The following CACNB4 variants were observed in gnomAD, a reference collection of about 807,000 sequenced individuals.
The protein encoded by CACNB4 is voltage-dependent L-type calcium channel subunit beta-4.
Under a neutral mutation model 71.2 loss-of-function variants are expected in CACNB4, and 32 were observed. That is an observed-to-expected ratio of 0.45 (90% CI 0.34 to 0.60). The LOEUF (loss-of-function observed/expected upper bound fraction) is 0.60. Ranked by LOEUF, CACNB4 falls within the 20% of genes least tolerant of loss-of-function variation. The pLI is 0.01. For missense variants in CACNB4, 464 were observed against 647.9 expected (o/e 0.72, Z 3.08); for synonymous variants, 231 against 236.9 (o/e 0.97, Z 0.23).
chr2:151,900,872 G>A lies in CACNB4; in HGVS notation c.148-17502C>T, dbSNP rs141640569. On this transcript the variant is annotated intron_variant, in intron 2 of 13. Coordinates refer to ENST00000539935, the MANE Select transcript of CACNB4 (RefSeq NM_000726.5). ...TACACAATTTACCTACTGCTTAACAGACACTAAGCACAGCATTAGACATTG... is the reference window on the plus strand; with the variant it reads ...TACACAATTTACCTACTGCTTAACAAACACTAAGCACAGCATTAGACATTG... Among the ~76,000 whole-genome samples the A allele has an allele frequency of 6.2e-4, 95 of 152,004 alleles. 1 individual carries two copies. The East Asian group carries it at 0.018, about 29-fold the overall frequency.
At chr2:151,875,972 G>A (rs2099846100) in intron 5 of CACNB4, among the ~76,000 whole-genome samples, 2 of 141,254 alleles carry the variant, frequency 1.4e-5, no homozygotes, top group African/African-American at 5.2e-5. Flanking sequence ...CGGGCGGGGG[G>A]CTGACTCCCC....
At chr2:152,024,871 C>T (rs1052736084) in intron 2 of CACNB4, among the ~76,000 whole-genome samples, 1 of 152,100 alleles carries the variant, frequency 6.6e-6, no homozygotes, top group East Asian at 1.9e-4. Context: ...GCCTGGCCAA[C>T]ATGGCGACAC....
chr2:151,866,675 A>G (rs2099843223), intron 9 of CACNB4: 1 of 152,240 alleles, frequency 6.6e-6, no homozygotes, highest in African/African-American at 2.4e-5. Context: ...CTTATTGTTC[A>G]TTCTGCTGCC....
intron 2 of CACNB4, among the ~76,000 whole-genome samples, chr2:151,963,682 C>T (rs1041554817): frequency 9.9e-5 from 15 of 152,072 alleles, no homozygotes; most frequent in African/African-American, 2.7e-4. Context: ...AATATATATA[C>T]GTCTTAAAAT....
intron 2 of CACNB4, among the ~76,000 whole-genome samples, chr2:151,912,443 G>A (rs1388298896): frequency 6.9e-6 from 1 of 144,004 alleles, no homozygotes; most frequent in African/African-American, 2.6e-5. Context: ...TCATTCAGGA[G>A]CAGGTTGCTC....
At chr2:152,015,340 C>G (rs1462549036) in intron 2 of CACNB4, among the ~76,000 whole-genome samples, 1 of 152,022 alleles carries the variant, frequency 6.6e-6, no homozygotes, top group Non-Finnish European at 1.5e-5. Context: ...ACTATGTTGG[C>G]CAGGCTGGTC....
rs1231545127 is a variant in CACNB4 at position 151,870,519 on chromosome 2, T to C, written c.699+12A>G. 1 of 1,605,622 alleles carries C rather than the reference T, an allele frequency of 6.2e-7. No homozygotes were observed. The highest frequency in any genetic ancestry group is 8.5e-7 in the Non-Finnish European group (1 of 1,172,552). On this transcript the variant is annotated intron_variant, in intron 8 of 13. Transcript: ENST00000539935. ...CGATCAAGAACTGAAGAGTAACAGA[T>C]GATATTTGTACCTCGTAACCTTTCA...
intron 12 of CACNB4, among the ~76,000 whole-genome samples, chr2:151,846,155 G>A (rs998936620): frequency 2.0e-5 from 3 of 152,342 alleles, no homozygotes; most frequent in East Asian, 1.9e-4. Flanking sequence ...GAATTAAGGT[G>A]ACCAATGATT....
At chr2:152,092,573 CT>C (rs11355769) in intron 2 of CACNB4, among the ~76,000 whole-genome samples, 26,687 of 150,712 alleles carry the variant, frequency 0.18, 3,119 homozygotes, top group East Asian at 0.56. Context: ...TCCATATGCT[CT>C]TTTTTTTTAA....
intron 2 of CACNB4, among the ~76,000 whole-genome samples, chr2:152,073,036 G>A (rs1370316853): frequency 3.3e-5 from 5 of 152,190 alleles, no homozygotes; most frequent in Admixed American, 1.3e-4. Context: ...TTGAACTTAC[G>A]CTTTTGCTGA....
intron 2 of CACNB4, among the ~76,000 whole-genome samples, chr2:152,029,324 C>T (rs1684138911): frequency 6.6e-6 from 1 of 151,720 alleles, no homozygotes. Context: ...GAAGCCCCGT[C>T]TCTACTAAAA....
At chr2:151,849,309 G>T (rs984121061) in intron 12 of CACNB4, among the ~76,000 whole-genome samples, 4 of 152,152 alleles carry the variant, frequency 2.6e-5, no homozygotes, top group Non-Finnish European at 5.9e-5. Flanking sequence ...GTCGGGTAGA[G>T]TGCAGTGGCA....
At chr2:152,092,974 G>C (rs1452848359) in intron 2 of CACNB4, among the ~76,000 whole-genome samples, 1 of 152,108 alleles carries the variant, frequency 6.6e-6, no homozygotes, top group African/African-American at 2.4e-5. Context: ...AAAGTTATAT[G>C]AAATGTAGTC....
At chr2:151,843,308 A>G (rs1559850966) in intron 12 of CACNB4, among the ~76,000 whole-genome samples, 1 of 152,100 alleles carries the variant, frequency 6.6e-6, no homozygotes, top group Admixed American at 6.6e-5. Context: ...GCACATCTCA[A>G]CTTTCTTTCT....
At chr2:152,050,381 A>C (rs1343863652) in intron 2 of CACNB4, among the ~76,000 whole-genome samples, 3 of 152,228 alleles carry the variant, frequency 2.0e-5, no homozygotes, top group Non-Finnish European at 2.9e-5. Context: ...ATTTACTCTA[A>C]ATGAGCCACA....
At chr2:151,852,647 G>A (rs963417889) in intron 12 of CACNB4, 50 of 152,254 alleles carry the variant, frequency 3.3e-4, no homozygotes, top group African/African-American at 1.2e-3. Flanking sequence ...TGGCTCCAGA[G>A]TCTGTGCTTT....
intron 2 of CACNB4, among the ~76,000 whole-genome samples, chr2:152,068,808 T>G (rs996511029): frequency 6.6e-6 from 1 of 152,152 alleles, no homozygotes; most frequent in African/African-American, 2.4e-5. Flanking sequence ...AGGAGAATTC[T>G]CCTTTCACAG....
intron 2 of CACNB4, among the ~76,000 whole-genome samples, chr2:152,063,441 C>G (rs1303935349): frequency 1.3e-5 from 2 of 152,154 alleles, no homozygotes; most frequent in Non-Finnish European, 2.9e-5. Flanking sequence ...AGTTAGAAAA[C>G]AGCAGAGTCA....
At chr2:151,949,822 T>C (rs1197442780) in intron 2 of CACNB4, among the ~76,000 whole-genome samples, 1 of 151,970 alleles carries the variant, frequency 6.6e-6, no homozygotes, top group Non-Finnish European at 1.5e-5. Context: ...GCTGAGGCGG[T>C]GGATCACTTA....
Sources: gnomAD v4.1 joint callset for allele counts (sites outside exome capture counted in the v4.1 genomes callset) on GRCh38, gnomAD v4.1.1 for gene constraint, MANE v1.5 for transcripts, NCBI Gene and HGNC (gene_info 2026-07-23, HGNC 2026-07-21) for gene names.